Variants in VAV2 observed in about 807,000 individuals in gnomAD.
The protein encoded by VAV2 is guanine nucleotide exchange factor VAV2.
Under a neutral mutation model 132.5 loss-of-function variants are expected in VAV2, and 67 were observed. The ratio of observed to expected loss-of-function variants is 0.51; its 90% CI spans 0.42 to 0.62. The LOEUF is 0.62. VAV2 is among the 20% of genes least tolerant of loss of function. The probability of loss-of-function intolerance (pLI) is 0.00; values close to 1 mark genes in which losing one functional copy is unlikely to be tolerated. For missense variants in VAV2, 938 were observed against 1,153.6 expected (o/e 0.81, Z 2.71); for synonymous variants, 492 against 443.5 (o/e 1.11, Z -1.37).
chr9:133,782,104 G>A (rs1328453521), intron 19 of VAV2, among the ~76,000 whole-genome samples: 2 of 138,554 alleles, frequency 1.4e-5, no homozygotes, highest in African/African-American at 2.7e-5. Context: ...ATCCGGCGGG[G>A]GCGGGGCGGG....
At chr9:133,900,048 A>G (rs71505236) in intron 2 of VAV2, among the ~76,000 whole-genome samples, 13,753 of 134,620 alleles carry the variant, frequency 0.1, 1,394 homozygotes, top group South Asian at 0.14. Context: ...AAATAAATAA[A>G]AATAGCTGGG....
chr9:133,829,704 T>C (rs1214732528), intron 4 of VAV2, among the ~76,000 whole-genome samples: 1 of 152,188 alleles, frequency 6.6e-6, no homozygotes, highest in Non-Finnish European at 1.5e-5. Flanking sequence ...ACAGGATCTA[T>C]GTTGCCCAGG....
At position 133,991,559 on chromosome 9, in the gene VAV2, G is replaced by A. The variant is rs1463454315; in HGVS notation, c.204+516C>T. ...GGCCGGCGAGGGGGCGGTGCCCGGG[G>A]CCAACCCAGCTCCCTCCGGCCCCGA... On this transcript the variant is annotated intron_variant, in intron 1 of 29. Transcript: ENST00000371850. The surrounding 1 kb of genome is among the most constrained non-coding windows in gnomAD (Gnocchi z 4.8). Among the ~76,000 whole-genome samples, 1 of 151,864 alleles carries A rather than the reference G, an allele frequency of 6.6e-6. No individual in the cohort carries two copies. The highest frequency in any genetic ancestry group is 2.4e-5 in the African/African-American group (1 of 41,424).
At chr9:133,866,579 A>G (rs10114727) in intron 2 of VAV2, among the ~76,000 whole-genome samples, 10,553 of 152,118 alleles carry the variant, frequency 0.069, 1,216 homozygotes, top group African/African-American at 0.24. Context: ...CAAGGTGGGC[A>G]GATCACTCGA....
chr9:133,846,813 C>T (rs2428122), intron 3 of VAV2, among the ~76,000 whole-genome samples: 6,645 of 152,294 alleles, frequency 0.044, 495 homozygotes, highest in African/African-American at 0.15. Context: ...CATGACTGGC[C>T]GACGGGCGGC....
At chr9:133,803,637 A>G (rs915635025) in intron 9 of VAV2, among the ~76,000 whole-genome samples, 31 of 152,282 alleles carry the variant, frequency 2.0e-4, no homozygotes, top group African/African-American at 7.2e-4. Context: ...TGCATTCATG[A>G]AAGTATAACC....
At position 133,857,004 on chromosome 9, in the gene VAV2, A is replaced by G. The variant is rs1837410456; in HGVS notation, c.380+4370T>C. The stretch of plus-strand genomic sequence containing the variant: ...GACACAGAGCAACCCCGCGAGGCAG[A>G]GTCATGCTCCCAGCCTACAGAAGAG... On this transcript the variant is annotated intron_variant, in intron 3 of 29. Transcript: ENST00000371850. This position sits in a 1 kb window ranked among gnomAD's most constrained non-coding sequence, Gnocchi z 4.0. 6.6e-6 allele frequency among the ~76,000 whole-genome samples: 1 copy of G among 152,138 alleles called. No homozygotes were observed. Among genetic ancestry groups the G allele is most frequent in the Admixed American group, 6.5e-5 (1 of 15,274 alleles).
chr9:133,972,771 C>A (rs553599212), intron 1 of VAV2, among the ~76,000 whole-genome samples: 1 of 152,146 alleles, frequency 6.6e-6, no homozygotes, highest in East Asian at 1.9e-4. Flanking sequence ...CTCCTGGAGG[C>A]GTCAGGCAGA....
At chr9:133,805,181 C>T (rs921847061) in intron 9 of VAV2, among the ~76,000 whole-genome samples, 6 of 152,094 alleles carry the variant, frequency 3.9e-5, no homozygotes, top group South Asian at 2.1e-4. Context: ...TGGACCCGGG[C>T]GCCCAATGCC....
At position 133,823,572 on chromosome 9, in the gene VAV2, C is replaced by T. The variant is rs970948200; in HGVS notation, c.449+10700G>A. ...GTCAAAAGGGAGAAGTCTTCCTCTTCCTGGAGTTCCAGAACAGCACGAGGA... is the reference window on the plus strand; with the variant it reads ...GTCAAAAGGGAGAAGTCTTCCTCTTTCTGGAGTTCCAGAACAGCACGAGGA... On this transcript the variant is annotated intron_variant, in intron 4 of 29. Transcript: ENST00000371850. The surrounding 1 kb of genome is among the most constrained non-coding windows in gnomAD (Gnocchi z 5.5). Among the ~76,000 whole-genome samples the T allele has an allele frequency of 6.6e-6, 1 of 152,184 alleles. No individual in the cohort carries two copies. Among genetic ancestry groups the T allele is most frequent in the African/African-American group, 2.4e-5 (1 of 41,438 alleles).
chr9:133,887,410 G>C (rs1277601849), intron 2 of VAV2, among the ~76,000 whole-genome samples: 1 of 152,132 alleles, frequency 6.6e-6, no homozygotes, highest in African/African-American at 2.4e-5. Flanking sequence ...TCTGGCCCCA[G>C]GGAATTCACA....
In VAV2 at chr9:133,769,613, G is replaced by A. The variant is rs756607251; in HGVS notation, c.2348-110C>T. On this transcript the variant is annotated intron_variant, in intron 27 of 29. Transcript: ENST00000371850. The surrounding 1 kb of genome is among the most constrained non-coding windows in gnomAD (Gnocchi z 8.1). The stretch of plus-strand genomic sequence containing the variant: ...ATGGGGTGGGGCAGGCCCTTTGGCA[G>A]GAGAGGCCCTACAGGGGGGCAAAGG... 1.9e-5 allele frequency: 23 copies of A among 1,182,482 alleles called. No homozygotes were observed. The highest frequency in any genetic ancestry group is 2.4e-5 in the Non-Finnish European group (20 of 838,290). 73.2% of individuals were successfully genotyped at this position (1,182,482 alleles called of 1,614,324 possible). A position where few individuals can be genotyped will look rare whatever the true frequency, so the allele number is the denominator to read the frequency against.
At chr9:133,930,952 G>T (rs1840665311) in intron 2 of VAV2, among the ~76,000 whole-genome samples, 1 of 152,152 alleles carries the variant, frequency 6.6e-6, no homozygotes, top group Non-Finnish European at 1.5e-5. Context: ...ATAAATAGGA[G>T]AATTAAGCCC....
At chr9:133,777,295 A>G (rs935100310) in intron 23 of VAV2, 94 bp downstream of exon 23, 2 of 1,367,118 alleles carry the variant, frequency 1.5e-6, no homozygotes, top group African/African-American at 2.9e-5. Flanking sequence ...GGATGTCCTG[A>G]ACAAGCCAAA....
chr9:133,929,516 G>T (rs912740011), intron 2 of VAV2, among the ~76,000 whole-genome samples: 2 of 152,098 alleles, frequency 1.3e-5, no homozygotes, highest in Non-Finnish European at 2.9e-5. Context: ...TTCCACGGGG[G>T]TAGGGGGACC....
At chr9:133,891,028 G>T (rs535199796) in intron 2 of VAV2, among the ~76,000 whole-genome samples, 4 of 150,746 alleles carry the variant, frequency 2.7e-5, no homozygotes, top group African/African-American at 1.0e-4. Context: ...CTGAAGTGGG[G>T]AAGTTAAATG....
chr9:133,892,454 C>A (rs1481444063), intron 2 of VAV2, among the ~76,000 whole-genome samples: 1 of 151,980 alleles, frequency 6.6e-6, no homozygotes, highest in Non-Finnish European at 1.5e-5. Flanking sequence ...AGTGCACACA[C>A]CTCTGTCTAT....
rs375977080 is a variant in VAV2 at position 133,768,615 on chromosome 9, A to G, written c.2435-19T>C. The G allele has an allele frequency of 5.6e-6, 9 of 1,610,054 alleles. No homozygotes were observed. Among genetic ancestry groups the G allele is most frequent in the African/African-American group, 4.0e-5 (3 of 74,938 alleles). On this transcript the variant is annotated intron_variant, in intron 28 of 29. Coordinates refer to ENST00000371850, the MANE Select transcript of VAV2 (RefSeq NM_001134398.2). The surrounding 1 kb of genome is among the most constrained non-coding windows in gnomAD (Gnocchi z 5.3). ...GTGAACACTGTTGAGGGAGATGGGCAGCATCACACAGCTGCAGGAGGAGCC... is the reference window on the plus strand; with the variant it reads ...GTGAACACTGTTGAGGGAGATGGGCGGCATCACACAGCTGCAGGAGGAGCC...
At position 133,969,815 on chromosome 9, in the gene VAV2, C is replaced by T. The variant is rs1842268261; in HGVS notation, c.204+22260G>A. Reference sequence around the variant, plus strand: ...CCTGGACACCCCCATCTGCCTCTGCCCCAGCCTCTGGGGCTCCAGGCCTCC... The same window carrying T: ...CCTGGACACCCCCATCTGCCTCTGCTCCAGCCTCTGGGGCTCCAGGCCTCC... On this transcript the variant is annotated intron_variant, in intron 1 of 29. Coordinates refer to ENST00000371850, the MANE Select transcript of VAV2 (RefSeq NM_001134398.2). This position sits in a 1 kb window ranked among gnomAD's most constrained non-coding sequence, Gnocchi z 5.1. 6.6e-6 allele frequency among the ~76,000 whole-genome samples: 1 copy of T among 152,122 alleles called. No individual in the cohort carries two copies. Among genetic ancestry groups the T allele is most frequent in the African/African-American group, 2.4e-5 (1 of 41,420 alleles).
Sources: gnomAD v4.1 joint callset for allele counts (sites outside exome capture counted in the v4.1 genomes callset) on GRCh38, gnomAD v4.1.1 for gene constraint, Gnocchi (gnomAD v3.1) non-coding constraint, MANE v1.5 for transcripts, NCBI Gene and HGNC (gene_info 2026-07-23, HGNC 2026-07-21) for gene names.